ASTN2: variants seen among roughly 807,000 people sequenced by gnomAD.
The protein encoded by ASTN2 is astrotactin 2, also known as astrotactin-2.
ASTN2 carries 54 observed loss-of-function variants against 139.8 expected under a neutral mutation model. That is an observed-to-expected ratio of 0.39 (90% confidence interval 0.31 to 0.48). The LOEUF (loss-of-function observed/expected upper bound fraction) is 0.48, where lower values mean the gene tolerates loss of function less well. ASTN2 is among the 20% of genes least tolerant of loss of function. The pLI is 0.95. For synonymous variants in ASTN2, 756 were observed against 719.5 expected, an observed-to-expected ratio of 1.05 and a Z score of -0.81; for missense variants, 1,565 against 1,725.1, an observed-to-expected ratio of 0.91 and a Z score of 1.64.
intron 10 of ASTN2, among the ~76,000 whole-genome samples, chr9:116,934,832 T>A (rs969404511): frequency 6.6e-6 from 1 of 152,182 alleles, no homozygotes; most frequent in Admixed American, 6.5e-5. Context: ...AGACAAATGA[T>A]GGTTGTTCCG....
At chr9:117,027,205 A>G (rs1407803365) in intron 6 of ASTN2, among the ~76,000 whole-genome samples, 2 of 152,198 alleles carry the variant, frequency 1.3e-5, no homozygotes, top group Non-Finnish European at 2.9e-5. Flanking sequence ...GAAATAACCC[A>G]GAAGGGTTAA....
chr9:116,427,205 C>A (rs867991502), intron 22 of ASTN2, among the ~76,000 whole-genome samples: 23 of 152,192 alleles, frequency 1.5e-4, no homozygotes, highest in African/African-American at 5.1e-4. Flanking sequence ...ATCCCAGGGC[C>A]CCACCTACCG....
chr9:116,575,293 T>C (rs1187702554), intron 19 of ASTN2, among the ~76,000 whole-genome samples: 1 of 150,790 alleles, frequency 6.6e-6, no homozygotes, highest in Non-Finnish European at 1.5e-5. Flanking sequence ...GAATGTATAA[T>C]TAAAAAAAAA....
At chr9:117,172,237 G>C (rs1184028090) in intron 3 of ASTN2, among the ~76,000 whole-genome samples, 1 of 152,160 alleles carries the variant, frequency 6.6e-6, no homozygotes, top group African/African-American at 2.4e-5. Flanking sequence ...TATGTTGTGT[G>C]ATACAGTAGG....
At chr9:116,805,109 AGTGTGTGTGTGT>A (rs10681699) in intron 13 of ASTN2, among the ~76,000 whole-genome samples, 3 of 143,132 alleles carry the variant, frequency 2.1e-5, no homozygotes, top group Admixed American at 7.0e-5. Flanking sequence ...GGATTTGGGG[AGTGTGTGTGTGT>A]GTGTGTGTGT....
At chr9:117,018,293 C>T (rs965554404) in intron 6 of ASTN2, among the ~76,000 whole-genome samples, 16 of 152,182 alleles carry the variant, frequency 1.1e-4, no homozygotes, top group Non-Finnish European at 1.3e-4. Context: ...CCTGTTTCCA[C>T]TTCTTAGGGT....
At position 116,969,459 on chromosome 9, in the gene ASTN2, A is replaced by G. The variant is rs546056259; in HGVS notation, c.1889+5749T>C. ...CAGTGACAGGACTTCTGCATAAACC[A>G]TTGGGAAAGGGGGCATCTCATTACT... On this transcript the variant is annotated intron_variant, in intron 10 of 22. Coordinates refer to ENST00000313400, the MANE Select transcript of ASTN2 (RefSeq NM_001365068.1). Among the ~76,000 whole-genome samples, 4 of 152,230 alleles carry G rather than the reference A, an allele frequency of 2.6e-5. No individual in the cohort carries two copies. The East Asian group carries it at 7.7e-4, about 29-fold the overall frequency.
chr9:116,863,558 T>A, intron 11 of ASTN2, 25 bp downstream of exon 11: 1 of 1,611,044 alleles, frequency 6.2e-7, no homozygotes, highest in Non-Finnish European at 8.5e-7. Flanking sequence ...GCCACTGCCA[T>A]GTTCCCGGGC....
intron 2 of ASTN2, among the ~76,000 whole-genome samples, chr9:117,248,281 G>A (rs11790077): frequency 0.26 from 38,937 of 152,090 alleles, 5,237 homozygotes; most frequent in African/African-American, 0.31. Flanking sequence ...AAGGACAAAG[G>A]CCATAGTGGA....
intron 2 of ASTN2, among the ~76,000 whole-genome samples, chr9:117,284,863 G>T (rs891819374): frequency 6.6e-6 from 1 of 152,188 alleles, no homozygotes; most frequent in Admixed American, 6.5e-5. Context: ...CAGTTATGGA[G>T]CCAGAATGTG....
intron 5 of ASTN2, among the ~76,000 whole-genome samples, chr9:117,070,650 T>A (rs1454676213): frequency 6.9e-6 from 1 of 145,122 alleles, no homozygotes; most frequent in Admixed American, 6.7e-5. Flanking sequence ...GGTACACCAA[T>A]GAGACGTAGA....
At chr9:116,519,735 T>C (rs1417371940) in intron 19 of ASTN2, among the ~76,000 whole-genome samples, 1 of 151,872 alleles carries the variant, frequency 6.6e-6, no homozygotes, top group Non-Finnish European at 1.5e-5. Context: ...TTTGAAAAGA[T>C]CAATAAAATT....
intron 5 of ASTN2, among the ~76,000 whole-genome samples, chr9:117,058,875 G>T (rs558188585): frequency 1.3e-4 from 20 of 152,290 alleles, no homozygotes; most frequent in African/African-American, 4.3e-4. Flanking sequence ...GTGGGAGAAA[G>T]GATATTCCAA....
At chr9:117,290,619 A>C (rs771676116) in intron 2 of ASTN2, among the ~76,000 whole-genome samples, 2 of 152,244 alleles carry the variant, frequency 1.3e-5, no homozygotes, top group African/African-American at 2.4e-5. Context: ...TATAGTGCTT[A>C]ACAAATGGTA....
chr9:116,457,453 C>A (rs1205156336), intron 20 of ASTN2, among the ~76,000 whole-genome samples: 1 of 152,058 alleles, frequency 6.6e-6, no homozygotes, highest in Non-Finnish European at 1.5e-5. Context: ...ATCCATCTGA[C>A]AAGGGATTAA....
At chr9:116,979,616 T>C (rs1371498064) in intron 7 of ASTN2, among the ~76,000 whole-genome samples, 2 of 152,132 alleles carry the variant, frequency 1.3e-5, no homozygotes, top group African/African-American at 4.8e-5. Context: ...TTAAAAGTCC[T>C]GGGATTTGTC....
At chr9:116,612,367 C>A (rs904099499) in intron 19 of ASTN2, 4 of 152,124 alleles carry the variant, frequency 2.6e-5, no homozygotes, top group Non-Finnish European at 2.9e-5. Context: ...CTGCACCAAG[C>A]GGACCTAATA....
chr9:117,249,504 T>C (rs921724097), intron 2 of ASTN2, among the ~76,000 whole-genome samples: 1 of 152,178 alleles, frequency 6.6e-6, no homozygotes, highest in African/African-American at 2.4e-5. Context: ...CAGAACCCTT[T>C]GTTCAAATGA....
chr9:116,896,973 C>T (rs1400946296), intron 10 of ASTN2, among the ~76,000 whole-genome samples: 1 of 152,162 alleles, frequency 6.6e-6, no homozygotes, highest in African/African-American at 2.4e-5. Context: ...AGAACTCGAT[C>T]TCGTTATGGT....
Sources: allele counts gnomAD v4.1 joint callset (sites outside exome capture counted in the v4.1 genomes callset), GRCh38; gene constraint gnomAD v4.1.1; transcripts MANE v1.5; gene names NCBI Gene and HGNC (gene_info 2026-07-23, HGNC 2026-07-21).